SCART1: variants seen among roughly 807,000 people sequenced by gnomAD.
SCART1 encodes the protein scavenger receptor family member expressed on T cells 1.
A neutral mutation model predicts 36.2 loss-of-function variants in SCART1; 62 were observed. The ratio of observed to expected loss-of-function variants is 1.71; its 90% CI spans 1.40 to 2.12. The LOEUF (loss-of-function observed/expected upper bound fraction) is 2.12, where lower values mean the gene tolerates loss of function less well. Ranked by LOEUF, SCART1 falls within the 30% of genes most tolerant of loss-of-function variation. The probability of loss-of-function intolerance (pLI) is 0.00; values close to 1 mark genes in which losing one functional copy is unlikely to be tolerated. For missense variants in SCART1, 1,041 were observed against 540.5 expected, an observed-to-expected ratio of 1.93 and a Z score of -9.18; for synonymous variants, 487 against 238.7, an observed-to-expected ratio of 2.04 and a Z score of -9.59.
chr10:133,456,630 C>CGCAGAGGAGGACTGGGAGGAT lies in SCART1; in HGVS notation c.385+78_385+98dup, dbSNP rs1850617404. ...AGGACGAGGAGGAGGACTGGGAGGA[C>CGCAGAGGAGGACTGGGAGGAT]GCAGAGGAGGACTGGGAGGATGGCG... On this transcript the variant is annotated intron_variant, in intron 2 of 11. Transcript: ENST00000640237. The CGCAGAGGAGGACTGGGAGGAT allele has an allele frequency of 6.7e-6, 4 of 593,050 alleles. No homozygotes were observed. The Admixed American group carries it at 8.3e-5, about 12-fold the overall frequency. 36.7% of individuals were successfully genotyped at this position (593,050 alleles called of 1,614,324 possible). A position where few individuals can be genotyped will look rare whatever the true frequency, so the allele number is the denominator to read the frequency against.
chr10:133,458,331 C>T (rs1349536648), intron 3 of SCART1, 29 bp from the exon 4 acceptor site: 4 of 702,460 alleles, frequency 5.7e-6, no homozygotes, highest in Non-Finnish European at 1.0e-5. Context: ...GAACACCTGT[C>T]TCCTGCCTGA....
chr10:133,460,490 T>TATATA (rs1564834608), intron 6 of SCART1, among the ~76,000 whole-genome samples: 1 of 102,944 alleles, frequency 9.7e-6, no homozygotes, highest in East Asian at 2.6e-4. Context: ...ATATATATAT[T>TATATA]TATATATTTT....
At position 133,458,422 on chromosome 10, in the gene SCART1, TG is replaced by T. The variant is rs1850647697; in HGVS notation, c.749del (p.Gly250AlafsTer110). The T allele has an allele frequency of 1.4e-6, 1 of 701,008 alleles. No individual in the cohort carries two copies. The highest frequency in any genetic ancestry group is 2.0e-5 in the Admixed American group (1 of 49,896). 43.4% of individuals were successfully genotyped at this position (701,008 alleles called of 1,614,324 possible). A position where few individuals can be genotyped will look rare whatever the true frequency, so the allele number is the denominator to read the frequency against. On this transcript the variant is annotated frameshift_variant, in exon 4 of 12. Coordinates refer to ENST00000640237, the Ensembl canonical transcript of SCART1. LOFTEE classifies it high-confidence loss of function. Reference sequence around the variant, plus strand: ...CTGCGCCGGGCGCCTGGAGGTGACCTGGGGCACCGTCTGTGATGCGGCCCTG... The same window carrying T: ...CTGCGCCGGGCGCCTGGAGGTGACCTGGGCACCGTCTGTGATGCGGCCCTG...
rs980352430 is a variant in SCART1 at position 133,465,406 on chromosome 10, G to A, written c.2500G>A (p.Ala834Thr). Residue 834 changes from alanine (A) to threonine (T), a missense_variant, in exon 9 of 12, where the codon GCC becomes ACC. Ala to Thr is a moderately conservative substitution (Grantham distance 58). Coordinates refer to ENST00000640237, the Ensembl canonical transcript of SCART1. Reference sequence around the variant, plus strand: ...CCAGCTGGGCTGTGGTCGGGCCGTCGCCGCCCTGGGGGCCGCCGCCTTTGG... The same window carrying A: ...CCAGCTGGGCTGTGGTCGGGCCGTCACCGCCCTGGGGGCCGCCGCCTTTGG... The A allele has an allele frequency of 6.7e-6, 4 of 600,388 alleles. No homozygotes were observed. In the Admixed American group the frequency reaches 9.0e-5, roughly 14 times the overall value. 37.2% of individuals were successfully genotyped at this position (600,388 alleles called of 1,614,324 possible).
At chr10:133,457,094 A>G in intron 2 of SCART1, 185 bp from the exon 3 acceptor site, 1 of 587,140 alleles carries the variant, frequency 1.7e-6, no homozygotes, top group South Asian at 2.2e-5. Flanking sequence ...GGAGACCAGC[A>G]GCAGAGCATG....
intron 6 of SCART1, among the ~76,000 whole-genome samples, chr10:133,460,513 A>ATTTAAATATTTATT (rs1488805220): frequency 2.4e-4 from 26 of 106,656 alleles, no homozygotes; most frequent in African/African-American, 9.2e-4. Flanking sequence ...AAAATATTTT[A>ATTTAAATATTTATT]TATTTATTTA....
intron 8 of SCART1, 23 bp downstream of exon 8, chr10:133,465,197 GTCC>G (rs1425050589): frequency 7.1e-6 from 5 of 702,952 alleles, no homozygotes; most frequent in Non-Finnish European, 1.0e-5. Context: ...CCTTGTCGCT[GTCC>G]TCCTTCCCAT....
chr10:133,467,837 C>T lies in SCART1; in HGVS notation c.2963-10C>T. ...GTGCTGATTTGGTCACGCGGTGTCT[C>T]TTGCGCCAGTTTCAGGGGAGGTGTC... On this transcript the variant is annotated splice_polypyrimidine_tract_variant and intron_variant, in intron 11 of 11. Coordinates refer to ENST00000640237, the Ensembl canonical transcript of SCART1. 1.5e-6 allele frequency: 1 copy of T among 675,960 alleles called. No homozygotes were observed. Among genetic ancestry groups the T allele is most frequent in the Non-Finnish European group, 2.7e-6 (1 of 367,110 alleles). 41.9% of individuals were successfully genotyped at this position (675,960 alleles called of 1,614,324 possible).
chr10:133,459,674 C>A, exon 6 of SCART1: 1 of 697,638 alleles, frequency 1.4e-6, no homozygotes, highest in Non-Finnish European at 2.6e-6. Context: ...CCCCCAGCCG[C>A]GGATCCGTCC....
At chr10:133,468,247 G>A (rs1316313879) in exon 12 of SCART1, 16 of 280,036 alleles carry the variant, frequency 5.7e-5, no homozygotes, top group Non-Finnish European at 4.0e-5. Flanking sequence ...TCCATTTGTG[G>A]TTTAGAGACA....
chr10:133,460,154 C>T (rs954349268), exon 6 of SCART1: 3 of 505,636 alleles, frequency 5.9e-6, no homozygotes, highest in Middle Eastern at 2.8e-4. Flanking sequence ...AGGAGGACGC[C>T]GGCGTCTTCT....
At chr10:133,459,533 C>T in exon 6 of SCART1, 4 of 667,236 alleles carry the variant, frequency 6.0e-6, no homozygotes, top group East Asian at 2.8e-5. Flanking sequence ...GCCGCTGTGA[C>T]GGCCGCGTGG....
At chr10:133,456,119 G>T in intron 1 of SCART1, 118 bp from the exon 2 acceptor site, 2 of 630,668 alleles carry the variant, frequency 3.2e-6, no homozygotes, top group South Asian at 3.6e-5. Flanking sequence ...TTGGTGGGGT[G>T]AGAGGAGCCC....
exon 2 of SCART1, chr10:133,456,485 G>A: frequency 1.4e-6 from 1 of 700,098 alleles, no homozygotes; most frequent in South Asian, 1.5e-5. Context: ...CTCCCTCTGG[G>A]AGTGCAGCCT....
In SCART1 at chr10:133,465,235, G is replaced by C. The variant is rs948996903; in HGVS notation, c.2345-16G>C. ...TCCCGGTCCAGCCCCCGCAGTGACCGCAGCCCCTTTTGCAGAGGAGGGCGC... is the reference window on the plus strand; with the variant it reads ...TCCCGGTCCAGCCCCCGCAGTGACCCCAGCCCCTTTTGCAGAGGAGGGCGC... On this transcript the variant is annotated splice_polypyrimidine_tract_variant and intron_variant, in intron 8 of 11. Coordinates refer to ENST00000640237, the Ensembl canonical transcript of SCART1. 1.6e-5 allele frequency: 11 copies of C among 699,160 alleles called. No individual in the cohort carries two copies. Among genetic ancestry groups the C allele is most frequent in the African/African-American group, 5.2e-5 (3 of 57,180 alleles). The allele number at this position is 699,160 out of a possible 1,614,324, so 43.3% of individuals were successfully genotyped here.
chr10:133,459,794 G>T (rs1427357299), exon 6 of SCART1: 1 of 655,534 alleles, frequency 1.5e-6, no homozygotes, highest in Non-Finnish European at 2.8e-6. Context: ...ACGCCGGCGT[G>T]GTGTGCTCCG....
exon 6 of SCART1, chr10:133,459,629 G>A (rs1266847423): frequency 4.4e-6 from 3 of 678,562 alleles, no homozygotes; most frequent in East Asian, 5.5e-5. Context: ...GGCAACTCGG[G>A]TGCAGAGGGG....
intron 9 of SCART1, 96 bp downstream of exon 9, chr10:133,465,661 G>T: frequency 1.7e-6 from 1 of 599,448 alleles, no homozygotes; most frequent in Non-Finnish European, 3.0e-6. Context: ...AGGAGAGCTC[G>T]CCCAGGTGTT....
exon 9 of SCART1, chr10:133,465,431 G>A (rs1471110341): frequency 3.6e-6 from 2 of 561,042 alleles, no homozygotes; most frequent in East Asian, 3.3e-5. Flanking sequence ...GCCGCCTTTG[G>A]CCCTGGCTCC....
Sources: allele counts gnomAD v4.1 joint callset (sites outside exome capture counted in the v4.1 genomes callset), GRCh38; gene constraint gnomAD v4.1.1; transcripts MANE v1.5; gene names NCBI Gene and HGNC (gene_info 2026-07-23, HGNC 2026-07-21).